Variants in CHCHD3 observed in about 807,000 individuals in gnomAD.
The protein encoded by CHCHD3 is MICOS complex subunit MIC19.
CHCHD3 carries 20 observed loss-of-function variants against 38.2 expected under a neutral mutation model. The observed-to-expected ratio is 0.52, with a 90% CI of 0.37 to 0.76. CHCHD3 has a LOEUF of 0.76. Ranked by LOEUF, CHCHD3 falls within the 30% of genes least tolerant of loss-of-function variation. CHCHD3 has a pLI of 0.00. For synonymous variants in CHCHD3, 82 were observed against 100.0 expected, an observed-to-expected ratio of 0.82 and a Z score of 1.07; for missense variants, 245 against 279.2, an observed-to-expected ratio of 0.88 and a Z score of 0.87.
chr7:132,845,477 G>A (rs192297523), intron 5 of CHCHD3, among the ~76,000 whole-genome samples: 143 of 152,194 alleles, frequency 9.4e-4, no homozygotes, highest in East Asian at 1.9e-4. Flanking sequence ...AGACGGATGG[G>A]AAATATGAAG....
intron 2 of CHCHD3, among the ~76,000 whole-genome samples, chr7:133,025,512 G>A (rs997577226): frequency 6.6e-6 from 1 of 152,092 alleles, no homozygotes; most frequent in African/African-American, 2.4e-5. Flanking sequence ...TTTTCTCTTT[G>A]TTTGTTTGTT....
Position 132,786,571 on chromosome 7 carries a change from A to G in CHCHD3, c.661-911T>C, listed in dbSNP as rs182177603. 5.6e-4 allele frequency among the ~76,000 whole-genome samples: 85 copies of G among 152,252 alleles called. 2 individuals carry two copies. In the East Asian group the frequency reaches 0.016, roughly 28 times the overall value. ...TTTTAGAGGTCTTTAAGAAGAAAAA[A>G]GTGATACTTTCCCCTCTAGTTTTGC... On this transcript the variant is annotated intron_variant, in intron 7 of 7. Coordinates refer to ENST00000262570, the MANE Select transcript of CHCHD3 (RefSeq NM_017812.4).
intron 4 of CHCHD3, among the ~76,000 whole-genome samples, chr7:132,926,844 T>C (rs1246938651): frequency 6.6e-6 from 1 of 152,152 alleles, no homozygotes; most frequent in Non-Finnish European, 1.5e-5. Flanking sequence ...GTATTGTTGT[T>C]TTTTTTTCCA....
At chr7:132,836,709 A>C (rs1261902883) in intron 6 of CHCHD3, among the ~76,000 whole-genome samples, 4 of 152,056 alleles carry the variant, frequency 2.6e-5, no homozygotes, top group African/African-American at 9.7e-5. Context: ...TTCAGGCCTC[A>C]AGCGATCCTC....
chr7:133,065,636 T>C (rs1814646744), intron 2 of CHCHD3, among the ~76,000 whole-genome samples: 1 of 152,224 alleles, frequency 6.6e-6, no homozygotes, highest in African/African-American at 2.4e-5. Context: ...TATCAATACA[T>C]TTTTGTAGGC....
intron 4 of CHCHD3, among the ~76,000 whole-genome samples, chr7:132,939,289 T>G (rs1317218574): frequency 1.3e-5 from 2 of 152,210 alleles, no homozygotes; most frequent in Non-Finnish European, 2.9e-5. Flanking sequence ...TAGGCCTTCA[T>G]GTTTACTCAT....
intron 2 of CHCHD3, among the ~76,000 whole-genome samples, chr7:133,037,996 A>G (rs1360270704): frequency 1.3e-5 from 2 of 152,240 alleles, no homozygotes; most frequent in Non-Finnish European, 2.9e-5. Flanking sequence ...ATAATGAGGC[A>G]TAATTTCAGT....
intron 6 of CHCHD3, among the ~76,000 whole-genome samples, chr7:132,828,126 T>G (rs1471109489): frequency 6.6e-6 from 1 of 152,176 alleles, no homozygotes; most frequent in Admixed American, 6.5e-5. Flanking sequence ...TTCTCTTGGG[T>G]AAATACCTAG....
chr7:133,023,972 C>A, intron 3 of CHCHD3, among the ~76,000 whole-genome samples: 1 of 152,022 alleles, frequency 6.6e-6, no homozygotes, highest in East Asian at 1.9e-4. Context: ...ATAATGGCAA[C>A]AATCAGATGG....
At chr7:133,075,888 T>A (rs1485608372) in intron 1 of CHCHD3, among the ~76,000 whole-genome samples, 1 of 151,854 alleles carries the variant, frequency 6.6e-6, no homozygotes, top group African/African-American at 2.4e-5. Flanking sequence ...TGAAACCCCA[T>A]CTCTACTAAA....
chr7:132,910,153 C>T (rs1809906044), intron 4 of CHCHD3, among the ~76,000 whole-genome samples: 1 of 152,164 alleles, frequency 6.6e-6, no homozygotes, highest in African/African-American at 2.4e-5. Context: ...CTTAAATATG[C>T]ACAGATTTGG....
intron 5 of CHCHD3, among the ~76,000 whole-genome samples, chr7:132,867,898 A>G (rs1195076200): frequency 6.6e-6 from 1 of 152,220 alleles, no homozygotes; most frequent in African/African-American, 2.4e-5. Context: ...GTGGGTGTTC[A>G]CAGTGGCAAG....
intron 4 of CHCHD3, among the ~76,000 whole-genome samples, chr7:132,887,192 A>C (rs1161718567): frequency 6.6e-6 from 1 of 151,952 alleles, no homozygotes; most frequent in African/African-American, 2.4e-5. Flanking sequence ...GAAGATTTCA[A>C]TGAAAAGTAC....
At chr7:132,820,228 A>G (rs1807311860) in intron 6 of CHCHD3, among the ~76,000 whole-genome samples, 2 of 152,212 alleles carry the variant, frequency 1.3e-5, no homozygotes, top group South Asian at 4.1e-4. Context: ...TGGGACTGAT[A>G]TAGGACTGCA....
intron 6 of CHCHD3, among the ~76,000 whole-genome samples, chr7:132,796,903 A>T (rs995365555): frequency 6.6e-6 from 1 of 152,072 alleles, no homozygotes; most frequent in Non-Finnish European, 1.5e-5. Flanking sequence ...CCATTCCCAT[A>T]TCCACTTGGT....
intron 4 of CHCHD3, among the ~76,000 whole-genome samples, chr7:132,888,115 A>G (rs1809262069): frequency 6.6e-6 from 1 of 151,842 alleles, no homozygotes; most frequent in African/African-American, 2.4e-5. Flanking sequence ...TAAAGGCAGT[A>G]TAACCTCTTT....
intron 3 of CHCHD3, among the ~76,000 whole-genome samples, chr7:132,986,275 G>A (rs1417619523): frequency 6.8e-6 from 1 of 147,554 alleles, no homozygotes; most frequent in Admixed American, 6.7e-5. Flanking sequence ...GCGGAAGGCC[G>A]CAGGGTCCTC....
chr7:133,035,985 G>T lies in CHCHD3; in HGVS notation c.170-11358C>A. The T allele has an allele frequency of 9.0e-7, 1 of 1,115,462 alleles. No individual in the cohort carries two copies. Among genetic ancestry groups the T allele is most frequent in the South Asian group, 1.3e-5 (1 of 75,814 alleles). 69.1% of individuals were successfully genotyped at this position (1,115,462 alleles called of 1,614,324 possible). A position where few individuals can be genotyped will look rare whatever the true frequency, so the allele number is the denominator to read the frequency against. On this transcript the variant is annotated intron_variant, in intron 2 of 7. Coordinates refer to ENST00000262570, the MANE Select transcript of CHCHD3 (RefSeq NM_017812.4). The surrounding 1 kb of genome is among the most constrained non-coding windows in gnomAD (Gnocchi z 4.7). The stretch of plus-strand genomic sequence containing the variant: ...TGTTATCAGGTAGGGGTCCTTAGGG[G>T]AACTGTTTTAATGAAACTAGTAATT...
chr7:132,816,306 T>C (rs1807199277), intron 6 of CHCHD3, among the ~76,000 whole-genome samples: 1 of 152,222 alleles, frequency 6.6e-6, no homozygotes, highest in Non-Finnish European at 1.5e-5. Flanking sequence ...CTTCACTTTC[T>C]GGAGTAAAAG....
Sources: allele counts gnomAD v4.1 joint callset (sites outside exome capture counted in the v4.1 genomes callset), GRCh38; gene constraint gnomAD v4.1.1; non-coding constraint Gnocchi (gnomAD v3.1); transcripts MANE v1.5; gene names NCBI Gene and HGNC (gene_info 2026-07-23, HGNC 2026-07-21).